RFC4: variants seen among roughly 807,000 people sequenced by gnomAD.
RFC4 encodes A1 37 kDa subunit.
A neutral mutation model predicts 47.6 loss-of-function variants in RFC4; 38 were observed. The observed-to-expected ratio is 0.80, with a 90% CI of 0.62 to 1.05. The LOEUF is 1.05. Ranked by LOEUF, RFC4 falls within the 50% of genes least tolerant of loss-of-function variation. The probability of loss-of-function intolerance (pLI) is 0.00; values close to 1 mark genes in which losing one functional copy is unlikely to be tolerated. For synonymous variants in RFC4, 164 were observed against 150.0 expected, an observed-to-expected ratio of 1.09 and a Z score of -0.68; for missense variants, 489 against 434.0, an observed-to-expected ratio of 1.13 and a Z score of -1.13.
chr3:186,792,031 A>G (rs1221381128), intron 7 of RFC4, among the ~76,000 whole-genome samples, 181 bp from the exon 8 acceptor site: 1 of 152,188 alleles, frequency 6.6e-6, no homozygotes, highest in Non-Finnish European at 1.5e-5. Flanking sequence ...AAGGATAGAG[A>G]TCTCTTGCTT....
chr3:186,795,905 G>A (rs1005776747), intron 4 of RFC4, among the ~76,000 whole-genome samples: 3 of 152,174 alleles, frequency 2.0e-5, no homozygotes, highest in African/African-American at 7.2e-5. Context: ...GGTTTTTAAA[G>A]TGAGTTTTAA....
rs776113301 is a variant in RFC4 at position 186,791,847 on chromosome 3, T to C, written c.679A>G (p.Ile227Val). ...TCTGACACTTTAACAAGATAAGCTA[T>C]TCCCTGAAGAGAAAAGAGTTGTTTT... ...KENVKISDEG[I>V]AYLVKVSEGD... Residue 227 changes from isoleucine (I) to valine (V), a missense_variant, in exon 8 of 11, where the codon ATA becomes GTA. Physicochemically the swap from Ile to Val is conservative, Grantham distance 29. Around this residue, in one of 2 missense-constraint regions of RFC4, gnomAD observed 283 missense variants for 176.2 expected, o/e 1.61. Coordinates refer to ENST00000296273, the MANE Select transcript of RFC4 (RefSeq NM_002916.5). The C allele has an allele frequency of 1.2e-6, 2 of 1,611,298 alleles. No individual in the cohort carries two copies. The highest frequency in any genetic ancestry group is 1.7e-6 in the Non-Finnish European group (2 of 1,178,124).
In RFC4 at chr3:186,793,426, GT is replaced by G. The variant is rs1234826477; in HGVS notation, c.411-480del. Among the ~76,000 whole-genome samples, 1 of 152,304 alleles carries G rather than the reference GT, an allele frequency of 6.6e-6. No homozygotes were observed. The highest frequency in any genetic ancestry group is 2.4e-5 in the African/African-American group (1 of 41,564). ...GGTTGGACATTTGGGCTGTTTCCAT[GT>G]TTTGGCTATTAAGAATAATGCTGCT... is the stretch of plus-strand genomic sequence containing the variant. On this transcript the variant is annotated intron_variant, in intron 5 of 10. Transcript: ENST00000296273. This position sits in a 1 kb window ranked among gnomAD's most constrained non-coding sequence, Gnocchi z 4.2.
chr3:186,801,619 G>A (rs1276110861), intron 2 of RFC4, among the ~76,000 whole-genome samples: 1 of 150,670 alleles, frequency 6.6e-6, no homozygotes, highest in Non-Finnish European at 1.5e-5. Flanking sequence ...GCTGAGGCAG[G>A]AGAACGGCAC....
chr3:186,790,891 G>A (rs755590284), intron 8 of RFC4, among the ~76,000 whole-genome samples: 14 of 151,090 alleles, frequency 9.3e-5, no homozygotes, highest in Admixed American at 1.3e-4. Flanking sequence ...AAGGCCTACC[G>A]TGAAGGTGAA....
intron 2 of RFC4, among the ~76,000 whole-genome samples, chr3:186,802,936 A>C (rs1722391065): frequency 6.6e-6 from 1 of 152,216 alleles, no homozygotes; most frequent in Non-Finnish European, 1.5e-5. Flanking sequence ...AACTCCTGTC[A>C]TGTGAGAACC....
At position 186,805,629 on chromosome 3, in the gene RFC4, T is replaced by G. The variant is rs376738050; in HGVS notation, c.-12+661A>C. The G allele has an allele frequency of 5.9e-5, 9 of 152,232 alleles. 1 individual carries two copies. Among genetic ancestry groups the G allele is most frequent in the African/African-American group, 2.2e-4 (9 of 41,516 alleles). The allele number at this position is 152,232 out of a possible 1,614,324, so 9.4% of individuals were successfully genotyped here. A position where few individuals can be genotyped will look rare whatever the true frequency, so the allele number is the denominator to read the frequency against. On this transcript the variant is annotated intron_variant, in intron 1 of 10. Coordinates refer to ENST00000296273, the MANE Select transcript of RFC4 (RefSeq NM_002916.5). ...GTTAAAATAGAAACAGCTGTTTTTC[T>G]CATAACACACTCACTTGAAGAAATC...
chr3:186,799,460 G>A (rs1037087661), intron 3 of RFC4, among the ~76,000 whole-genome samples: 8 of 152,160 alleles, frequency 5.3e-5, no homozygotes, highest in Non-Finnish European at 1.2e-4. Flanking sequence ...CTAGATCTTA[G>A]GCTGGGCATG....
At chr3:186,798,718 C>T (rs1199690394) in intron 3 of RFC4, among the ~76,000 whole-genome samples, 2 of 152,040 alleles carry the variant, frequency 1.3e-5, no homozygotes, top group Non-Finnish European at 2.9e-5. Flanking sequence ...TTCTGCCTGG[C>T]CAACTCCTAA....
At chr3:186,790,554 C>T in intron 8 of RFC4, 148 bp from the exon 9 acceptor site, 1 of 659,520 alleles carries the variant, frequency 1.5e-6, no homozygotes. Flanking sequence ...CGGAAAGGGC[C>T]AGAGTAACTC....
Position 186,790,123 on chromosome 3 carries a change from G to A in RFC4, c.996+19C>T, listed in dbSNP as rs760676968. 7.5e-6 allele frequency: 12 copies of A among 1,603,032 alleles called. No individual in the cohort carries two copies. The highest frequency in any genetic ancestry group is 6.7e-5 in the Admixed American group (4 of 59,926). ...AGGTAGTTAAATGTTCCATTGACAT[G>A]TGCAAAGTACCTACTTACGGCAAGT... is the stretch of plus-strand genomic sequence containing the variant. On this transcript the variant is annotated intron_variant, in intron 10 of 10. Transcript: ENST00000296273.
chr3:186,790,212 T>C lies in RFC4; in HGVS notation c.926A>G (p.Gln309Arg), dbSNP rs1722051354. The C allele has an allele frequency of 2.5e-6, 4 of 1,613,998 alleles. No homozygotes were observed. Reference sequence around the variant, plus strand: ...ATTTTCTACAACCACATCATGGAGTTGATTGACGAGCTGAGTTGCTGCATG... The same window carrying C: ...ATTTTCTACAACCACATCATGGAGTCGATTGACGAGCTGAGTTGCTGCATG... ...EGHAATQLVNQLHDVVVENNL... is the reference protein window; with the variant it reads ...EGHAATQLVNRLHDVVVENNL... The change falls in exon 10 of 11, where the codon CAA (glutamine) becomes CGA (arginine). Residue 309 changes from glutamine to arginine, a missense_variant. By Grantham distance (43) the Gln-to-Arg change is conservative. Around this residue, in one of 2 missense-constraint regions of RFC4, gnomAD observed 283 missense variants for 176.2 expected, o/e 1.61. Transcript: ENST00000296273.
rs1722480262 is a variant in RFC4 at position 186,806,364 on chromosome 3, G to C, written c.-86C>G. The C allele has an allele frequency of 6.6e-6, 1 of 152,318 alleles. No homozygotes were observed. The allele number at this position is 152,318 out of a possible 1,614,324, so 9.4% of individuals were successfully genotyped here. A position where few individuals can be genotyped will look rare whatever the true frequency, so the allele number is the denominator to read the frequency against. The stretch of plus-strand genomic sequence containing the variant: ...GGTTTCCGCGATACAAAAAGGACGA[G>C]ATGGTCTCGAAGTCTTAGCTCCGTC... On this transcript the variant is annotated 5_prime_UTR_variant, in exon 1 of 11. It adds an upstream start codon to the 5' untranslated region. Transcript: ENST00000296273.
At chr3:186,790,118 G>T in intron 10 of RFC4, 24 bp downstream of exon 10, 1 of 1,602,550 alleles carries the variant, frequency 6.2e-7, no homozygotes, top group Non-Finnish European at 8.5e-7. Context: ...ATGTTCCATT[G>T]ACATGTGCAA....
At chr3:186,799,718 CA>C (rs142623795) in intron 3 of RFC4, among the ~76,000 whole-genome samples, 4 of 148,220 alleles carry the variant, frequency 2.7e-5, no homozygotes, top group Admixed American at 6.8e-5. Context: ...GTCTCAATTA[CA>C]AAAAAAAACA....
At position 186,806,331 on chromosome 3, in the gene RFC4, G is replaced by C. The variant is rs1001391228; in HGVS notation, c.-53C>G. On this transcript the variant is annotated 5_prime_UTR_variant, in exon 1 of 11. Transcript: ENST00000296273. ...TCGTGCAGGTCACCGCCGCCGGCTC[G>C]TTCCTCAGGTTTCCGCGATACAAAA... 6.6e-6 allele frequency: 1 copy of C among 152,252 alleles called. No individual in the cohort carries two copies. The highest frequency in any genetic ancestry group is 2.4e-5 in the African/African-American group (1 of 41,452). The allele number at this position is 152,252 out of a possible 1,614,324, so 9.4% of individuals were successfully genotyped here.
intron 8 of RFC4, 95 bp from the exon 9 acceptor site, chr3:186,790,501 C>G (rs570443484): frequency 2.3e-6 from 2 of 854,566 alleles, no homozygotes; most frequent in South Asian, 2.7e-5. Flanking sequence ...CATTTCTGTT[C>G]CACACCTAAG....
chr3:186,802,691 ACTTTTCGATAAAT>A (rs1275155198), intron 2 of RFC4, among the ~76,000 whole-genome samples: 2 of 152,016 alleles, frequency 1.3e-5, no homozygotes, highest in Non-Finnish European at 2.9e-5. Context: ...TTTGATCCAT[ACTTTTCGATAAAT>A]CAGGTTAACA....
Position 186,796,503 on chromosome 3 carries a change from G to A in RFC4, c.290+1032C>T, listed in dbSNP as rs768484406. ...AGTGGCGTCTTTTTTTTTTTGAGAC[G>A]GAGTCTCGCTCTGTCACCCAGGCTG... On this transcript the variant is annotated intron_variant, in intron 4 of 10. Coordinates refer to ENST00000296273, the MANE Select transcript of RFC4 (RefSeq NM_002916.5). This position sits in a 1 kb window ranked among gnomAD's most constrained non-coding sequence, Gnocchi z 4.2. Among the ~76,000 whole-genome samples, 13 of 150,964 alleles carry A rather than the reference G, an allele frequency of 8.6e-5. No individual in the cohort carries two copies. Among genetic ancestry groups the A allele is most frequent in the Admixed American group, 4.0e-4 (6 of 15,168 alleles).
Sources: gnomAD v4.1 joint callset for allele counts (sites outside exome capture counted in the v4.1 genomes callset) on GRCh38, gnomAD v4.1.1 for gene constraint, gnomAD v4.1.1 regional missense constraint, Gnocchi (gnomAD v3.1) non-coding constraint, MANE v1.5 for transcripts, NCBI Gene and HGNC (gene_info 2026-07-23, HGNC 2026-07-21) for gene names.